ST6GALNAC3: variants seen among roughly 807,000 people sequenced by gnomAD.
ST6GALNAC3 encodes ST6 N-acetylgalactosaminide alpha-2,6-sialyltransferase 3.
ST6GALNAC3 carries 25 observed loss-of-function variants against 32.7 expected under a neutral mutation model. The ratio of observed to expected loss-of-function variants is 0.76; its 90% CI spans 0.56 to 1.07. ST6GALNAC3 has a LOEUF of 1.07. Ranked by LOEUF, ST6GALNAC3 falls within the 50% of genes least tolerant of loss-of-function variation. ST6GALNAC3 has a pLI of 0.00. For missense variants in ST6GALNAC3, 355 were observed against 382.4 expected (o/e 0.93, Z 0.60); for synonymous variants, 129 against 133.1 (o/e 0.97, Z 0.21).
intron 2 of ST6GALNAC3, among the ~76,000 whole-genome samples, chr1:76,376,150 G>C (rs187431336): frequency 6.6e-6 from 1 of 150,914 alleles, no homozygotes; most frequent in African/African-American, 2.4e-5. Context: ...GATAATTATA[G>C]ATTCACATGC....
intron 3 of ST6GALNAC3, among the ~76,000 whole-genome samples, chr1:76,615,955 C>T (rs1287946693): frequency 6.6e-6 from 1 of 151,766 alleles, no homozygotes; most frequent in Non-Finnish European, 1.5e-5. Flanking sequence ...CTTTTCTTGA[C>T]ATTTTCTGAT....
intron 2 of ST6GALNAC3, among the ~76,000 whole-genome samples, chr1:76,391,327 G>A (rs1307406558): frequency 6.6e-6 from 1 of 152,174 alleles, no homozygotes; most frequent in Admixed American, 6.5e-5. Context: ...CAGTTCCTGT[G>A]TGTGAAAAGC....
intron 3 of ST6GALNAC3, among the ~76,000 whole-genome samples, chr1:76,568,903 T>A (rs763726505): frequency 1.3e-5 from 2 of 152,152 alleles, no homozygotes; most frequent in African/African-American, 2.4e-5. Flanking sequence ...TAATTTATTT[T>A]TTTTTCCTTT....
At chr1:76,308,539 C>A (rs1487328630) in intron 1 of ST6GALNAC3, among the ~76,000 whole-genome samples, 1 of 152,088 alleles carries the variant, frequency 6.6e-6, no homozygotes, top group African/African-American at 2.4e-5. Context: ...AAGGCAGCAG[C>A]AATCACTTCC....
chr1:76,430,176 T>C (rs1655657902), intron 3 of ST6GALNAC3, among the ~76,000 whole-genome samples: 1 of 152,204 alleles, frequency 6.6e-6, no homozygotes, highest in South Asian at 2.1e-4. Flanking sequence ...AGGCTCTCAT[T>C]GTCTCAGGTC....
intron 1 of ST6GALNAC3, among the ~76,000 whole-genome samples, chr1:76,302,876 T>C (rs1045486299): frequency 3.3e-5 from 5 of 151,916 alleles, no homozygotes; most frequent in Non-Finnish European, 7.4e-5. Context: ...CAGAGACTTA[T>C]TGAAAACGAA....
intron 3 of ST6GALNAC3, among the ~76,000 whole-genome samples, chr1:76,481,158 CTTACAAAGATGTAGGATGTGCTATT>C (rs1659697976): frequency 6.6e-6 from 1 of 152,150 alleles, no homozygotes; most frequent in South Asian, 2.1e-4. Flanking sequence ...GCATTAGTCA[CTTACAAAGATGTAGGATGTGCTATT>C]ATTTTAAATC....
At chr1:76,505,052 G>A (rs1661391026) in intron 3 of ST6GALNAC3, among the ~76,000 whole-genome samples, 1 of 151,964 alleles carries the variant, frequency 6.6e-6, no homozygotes, top group Non-Finnish European at 1.5e-5. Flanking sequence ...ATTAGTTAAT[G>A]TGGCCAAATA....
At chr1:76,497,056 C>T (rs920141942) in intron 3 of ST6GALNAC3, among the ~76,000 whole-genome samples, 1 of 152,134 alleles carries the variant, frequency 6.6e-6, no homozygotes, top group Non-Finnish European at 1.5e-5. Context: ...CAATTTGGAT[C>T]CTTGCCAAAG....
intron 1 of ST6GALNAC3, among the ~76,000 whole-genome samples, chr1:76,143,595 T>G (rs289684): frequency 3.7e-4 from 56 of 152,088 alleles, no homozygotes; most frequent in African/African-American, 1.3e-3. Context: ...TACCAAAGTG[T>G]TGTTGTTGTT....
chr1:76,541,423 A>G (rs1274847907), intron 3 of ST6GALNAC3, among the ~76,000 whole-genome samples: 3 of 152,188 alleles, frequency 2.0e-5, no homozygotes, highest in Non-Finnish European at 2.9e-5. Flanking sequence ...GCATCTATGC[A>G]TAAGTTTTCT....
At chr1:76,143,151 T>C (rs1249812663) in intron 1 of ST6GALNAC3, among the ~76,000 whole-genome samples, 1 of 152,192 alleles carries the variant, frequency 6.6e-6, no homozygotes, top group African/African-American at 2.4e-5. Flanking sequence ...TTTTTGTACT[T>C]AATGAAATGG....
intron 3 of ST6GALNAC3, among the ~76,000 whole-genome samples, chr1:76,588,237 TA>T (rs988273513): frequency 2.0e-5 from 3 of 151,668 alleles, no homozygotes; most frequent in East Asian, 1.9e-4. Context: ...AAATATCACT[TA>T]AAAAAAATAA....
chr1:76,558,954 AGAG>A (rs1665085849), intron 3 of ST6GALNAC3, among the ~76,000 whole-genome samples: 1 of 152,188 alleles, frequency 6.6e-6, no homozygotes, highest in Admixed American at 6.5e-5. Flanking sequence ...AAAAGAAAAA[AGAG>A]GAGGCAATGT....
intron 1 of ST6GALNAC3, among the ~76,000 whole-genome samples, chr1:76,290,891 G>A (rs1169251707): frequency 2.0e-5 from 3 of 152,096 alleles, no homozygotes; most frequent in African/African-American, 4.8e-5. Flanking sequence ...CAGGGGAGGA[G>A]GGGATCCACA....
chr1:76,347,493 T>A (rs976238871), intron 2 of ST6GALNAC3, among the ~76,000 whole-genome samples: 6 of 151,676 alleles, frequency 4.0e-5, no homozygotes, highest in African/African-American at 1.2e-4. Flanking sequence ...TGTATGAGAA[T>A]AAGTTTATAT....
At chr1:76,478,054 G>A (rs1466330191) in intron 3 of ST6GALNAC3, among the ~76,000 whole-genome samples, 2 of 152,146 alleles carry the variant, frequency 1.3e-5, no homozygotes, top group Admixed American at 6.5e-5. Context: ...AGCTGTGAGT[G>A]CTTCTTGAAT....
At position 76,314,022 on chromosome 1, in the gene ST6GALNAC3, A is replaced by G. The variant is rs760609849; in HGVS notation, c.213+23A>G. ...GAGGTAAGATCCCAGAGGGTTACCTAGCAGTTGGAGAGTATCCATGGTAAC... is the reference window on the plus strand; with the variant it reads ...GAGGTAAGATCCCAGAGGGTTACCTGGCAGTTGGAGAGTATCCATGGTAAC... On this transcript the variant is annotated intron_variant, in intron 2 of 4. Transcript: ENST00000328299. 7.5e-6 allele frequency: 12 copies of G among 1,601,180 alleles called. No individual in the cohort carries two copies. The East Asian group carries it at 2.7e-4, about 36-fold the overall frequency.
intron 1 of ST6GALNAC3, among the ~76,000 whole-genome samples, chr1:76,298,199 G>A (rs962271914): frequency 1.3e-5 from 2 of 151,980 alleles, no homozygotes; most frequent in East Asian, 3.9e-4. Flanking sequence ...AGTAGGAAAT[G>A]ACAAGCTGGC....
Sources: allele counts gnomAD v4.1 joint callset (sites outside exome capture counted in the v4.1 genomes callset), GRCh38; gene constraint gnomAD v4.1.1; transcripts MANE v1.5; gene names NCBI Gene and HGNC (gene_info 2026-07-23, HGNC 2026-07-21).